Variants in FMO3 observed in about 807,000 individuals in gnomAD.
FMO3 encodes the protein flavin containing dimethylaniline monoxygenase 3.
FMO3 carries 40 observed loss-of-function variants against 39.4 expected under a neutral mutation model. The observed-to-expected ratio is 1.02, with a 90% CI of 0.79 to 1.32. FMO3 has a LOEUF of 1.32. Among genes scored for constraint, FMO3 ranks in the 40% most tolerant of loss-of-function variants. The pLI, the probability that FMO3 is intolerant of heterozygous loss-of-function variation, is 0.00. For synonymous variants in FMO3, 219 were observed against 228.8 expected, an observed-to-expected ratio of 0.96 and a Z score of 0.39; for missense variants, 680 against 651.8, an observed-to-expected ratio of 1.04 and a Z score of -0.47.
At chr1:171,096,700 T>C (rs1005890988) in intron 2 of FMO3, among the ~76,000 whole-genome samples, 1 of 134,974 alleles carries the variant, frequency 7.4e-6, no homozygotes, top group African/African-American at 2.7e-5. Context: ...TTAATATAAT[T>C]ATATAAAAAT....
At chr1:171,110,377 T>A (rs535596636) in intron 5 of FMO3, among the ~76,000 whole-genome samples, 202 of 152,318 alleles carry the variant, frequency 1.3e-3, no homozygotes, top group Admixed American at 3.2e-3. Flanking sequence ...TATGAAAATT[T>A]GCCTGCAGCA....
At chr1:171,103,102 C>A (rs1655479908) in intron 2 of FMO3, among the ~76,000 whole-genome samples, 1 of 152,112 alleles carries the variant, frequency 6.6e-6, no homozygotes, top group African/African-American at 2.4e-5. Flanking sequence ...GATGCTTGTG[C>A]TCATGAGTTG....
rs1172717908 is a variant in FMO3, at chr1:171,117,783, A to G, written c.*341A>G. On this transcript the variant is annotated 3_prime_UTR_variant, in exon 9 of 9. Transcript: ENST00000367755. Reference sequence around the variant, plus strand: ...ACAATGTATGAAAGATGTATTTTAAATCTAAATAAAGAGCAAATTAAGCAG... The same window carrying G: ...ACAATGTATGAAAGATGTATTTTAAGTCTAAATAAAGAGCAAATTAAGCAG... 1 of 191,226 alleles carries G rather than the reference A, an allele frequency of 5.2e-6. No individual in the cohort carries two copies. Among genetic ancestry groups the G allele is most frequent in the African/African-American group, 2.4e-5 (1 of 42,436 alleles). 11.8% of individuals were successfully genotyped at this position (191,226 alleles called of 1,614,324 possible).
chr1:171,102,776 C>T (rs1373634420), intron 2 of FMO3, among the ~76,000 whole-genome samples: 1 of 152,136 alleles, frequency 6.6e-6, no homozygotes. Flanking sequence ...CTTCAATGTT[C>T]TTTTTCTTTA....
intron 2 of FMO3, among the ~76,000 whole-genome samples, chr1:171,094,681 G>A (rs535041067): frequency 1.2e-4 from 18 of 152,098 alleles, no homozygotes; most frequent in Non-Finnish European, 2.5e-4. Flanking sequence ...CAAGCACAAT[G>A]TACTGAATAG....
chr1:171,100,940 CA>C (rs1655352332), intron 2 of FMO3: 3 of 321,616 alleles, frequency 9.3e-6, no homozygotes, highest in South Asian at 7.9e-5. Context: ...GGGTGAGCCC[CA>C]AACGCTATAA....
At chr1:171,108,318 G>T (rs1179688054) in intron 5 of FMO3, 97 bp downstream of exon 5, 1 of 1,409,620 alleles carries the variant, frequency 7.1e-7, no homozygotes, top group African/African-American at 1.4e-5. Flanking sequence ...GGAGGGAAGG[G>T]TATCTGATGT....
chr1:171,100,705 T>G lies in FMO3; in HGVS notation c.133-3080T>G, dbSNP rs372695324. ...CTGCTATGGGTTGAGACTTTGAGGA[T>G]GTTGGGATTGGGTTAATGTATTTTG... On this transcript the variant is annotated intron_variant, in intron 2 of 8. Coordinates refer to ENST00000367755, the MANE Select transcript of FMO3 (RefSeq NM_001002294.3). 10 of 167,808 alleles carry G rather than the reference T, an allele frequency of 6.0e-5. No homozygotes were observed. In the East Asian group the frequency reaches 1.5e-3, roughly 26 times the overall value. 10.4% of individuals were successfully genotyped at this position (167,808 alleles called of 1,614,324 possible).
chr1:171,110,002 C>T lies in FMO3; in HGVS notation c.628-796C>T, dbSNP rs1395882383. Among the ~76,000 whole-genome samples, 3 of 152,154 alleles carry T rather than the reference C, an allele frequency of 2.0e-5. 1 individual carries two copies. Among genetic ancestry groups the T allele is most frequent in the African/African-American group, 7.2e-5 (3 of 41,432 alleles). On this transcript the variant is annotated intron_variant, in intron 5 of 8. Coordinates refer to ENST00000367755, the MANE Select transcript of FMO3 (RefSeq NM_001002294.3). Reference sequence around the variant, plus strand: ...GGAAAGGAAACTGACATTTACTGAGCACATACTATCTGCCAGGTAACGTTA... The same window carrying T: ...GGAAAGGAAACTGACATTTACTGAGTACATACTATCTGCCAGGTAACGTTA...
At chr1:171,102,663 G>C (rs182333686) in intron 2 of FMO3, among the ~76,000 whole-genome samples, 3 of 152,154 alleles carry the variant, frequency 2.0e-5, no homozygotes, top group Non-Finnish European at 4.4e-5. Flanking sequence ...CTGAGAGTGG[G>C]ACCTAATGCT....
intron 5 of FMO3, among the ~76,000 whole-genome samples, chr1:171,109,276 T>C (rs1233925847): frequency 1.3e-5 from 2 of 152,124 alleles, no homozygotes; most frequent in African/African-American, 4.8e-5. Context: ...AGTCATAGGA[T>C]TGCGTTACAG....
rs751472166 is a variant in FMO3 at position 171,117,113 on chromosome 1, G to A, written c.1270G>A (p.Glu424Lys). The A allele has an allele frequency of 5.0e-6, 8 of 1,614,030 alleles. No homozygotes were observed. Among genetic ancestry groups the A allele is most frequent in the Admixed American group, 3.3e-5 (2 of 60,008 alleles). Residue 424 changes from glutamate (E) to lysine (K), a missense_variant, in exon 9 of 9, where the codon GAG becomes AAG. Coordinates refer to ENST00000367755, the MANE Select transcript of FMO3 (RefSeq NM_001002294.3). ...TCCCATCTCCAGGTTTGGCAAAAGCGAGACCATACAGACAGATTACATTGT... is the reference window on the plus strand; with the variant it reads ...TCCCATCTCCAGGTTTGGCAAAAGCAAGACCATACAGACAGATTACATTGT... ...EKKRKWFGKS[E>K]TIQTDYIVYM...
rs542162053 is a variant in FMO3, at chr1:171,117,440, T to C, written c.1597T>C (p.Ter533GlnextTer24). 13 of 1,610,914 alleles carry C rather than the reference T, an allele frequency of 8.1e-6. No homozygotes were observed. The African/African-American group carries it at 1.7e-4, about 21-fold the overall frequency. ...LLIAVFLVLT[*>Q] ...AATCGCTGTTTTCCTTGTGTTGACC[T>C]AATCATCATTTTCTCTAGGATTTCT... Residue 533 changes from the stop codon to glutamine (Q), a stop_lost, in exon 9 of 9, where the codon TAA becomes CAA. Coordinates refer to ENST00000367755, the MANE Select transcript of FMO3 (RefSeq NM_001002294.3).
intron 5 of FMO3, among the ~76,000 whole-genome samples, 159 bp downstream of exon 5, chr1:171,108,380 G>A (rs1229367971): frequency 6.6e-6 from 1 of 152,148 alleles, no homozygotes; most frequent in Non-Finnish European, 1.5e-5. Flanking sequence ...AACAGGTGAG[G>A]TTTTAAATCA....
chr1:171,117,663 A>G lies in FMO3; in HGVS notation c.*221A>G. The G allele has an allele frequency of 2.2e-6, 1 of 456,494 alleles. No individual in the cohort carries two copies. The highest frequency in any genetic ancestry group is 3.3e-5 in the East Asian group (1 of 30,250). The allele number at this position is 456,494 out of a possible 1,614,324, so 28.3% of individuals were successfully genotyped here. ...AGAGAGCACTAATCATTTCTGTTTGAGTTCCACTAACACTTCAAAATCAGA... is the reference window on the plus strand; with the variant it reads ...AGAGAGCACTAATCATTTCTGTTTGGGTTCCACTAACACTTCAAAATCAGA... On this transcript the variant is annotated 3_prime_UTR_variant, in exon 9 of 9. Coordinates refer to ENST00000367755, the MANE Select transcript of FMO3 (RefSeq NM_001002294.3).
Position 171,108,170 on chromosome 1 carries a change from G to A in FMO3, c.576G>A (p.Leu192=). ...FNGKRVLVVG[L]GNSGCDIATE... ...GAAAGCGTGTCCTGGTGGTTGGCCT[G>A]GGGAATTCGGGCTGTGATATTGCCA... is the stretch of plus-strand genomic sequence containing the variant. The change falls in exon 5 of 9, where the codon CTG becomes CTA. Residue 192 remains leucine, a synonymous_variant. Coordinates refer to ENST00000367755, the MANE Select transcript of FMO3 (RefSeq NM_001002294.3). 1.9e-6 allele frequency: 3 copies of A among 1,613,854 alleles called. No homozygotes were observed. The highest frequency in any genetic ancestry group is 1.1e-5 in the South Asian group (1 of 91,062).
chr1:171,101,891 G>A, intron 2 of FMO3: 1 of 350,860 alleles, frequency 2.9e-6, no homozygotes, highest in Non-Finnish European at 5.7e-6. Flanking sequence ...CTTTCTTCTG[G>A]GAATACCTCC....
chr1:171,111,758 T>C (rs1352707429), intron 6 of FMO3, among the ~76,000 whole-genome samples: 3 of 152,180 alleles, frequency 2.0e-5, no homozygotes, highest in Non-Finnish European at 4.4e-5. Flanking sequence ...TTGACAAACA[T>C]TTATTACACG....
In FMO3 at chr1:171,107,825, G is replaced by A. The variant is rs2266782; in HGVS notation, c.472G>A (p.Glu158Lys). The A allele has an allele frequency of 0.4, 648,205 of 1,613,236 alleles. 133,065 individuals carry two copies. Among genetic ancestry groups the A allele is most frequent in the African/African-American group, 0.46 (34,517 of 74,886 alleles). ...TCATGTGTATCCCAACCTACCAAAA[G>A]AGTCCTTTCCAGGTAAGGCCAAAAT... ...GHHVYPNLPK[E>K]SFPGLNHFKG... Residue 158 changes from glutamate to lysine, a missense_variant, in exon 4 of 9, where the codon GAG becomes AAG. Physicochemically the swap from Glu to Lys is moderately conservative, Grantham distance 56. Coordinates refer to ENST00000367755, the MANE Select transcript of FMO3 (RefSeq NM_001002294.3).
Sources: gnomAD v4.1 joint callset for allele counts (sites outside exome capture counted in the v4.1 genomes callset) on GRCh38, gnomAD v4.1.1 for gene constraint, MANE v1.5 for transcripts, NCBI Gene and HGNC (gene_info 2026-07-23, HGNC 2026-07-21) for gene names.